Variants in ZBTB7C observed in about 807,000 individuals in gnomAD.
ZBTB7C encodes the protein zinc finger and BTB domain-containing protein 7C.
A neutral mutation model predicts 25.7 loss-of-function variants in ZBTB7C; 8 were observed. That is an observed-to-expected ratio of 0.31 (90% CI 0.18 to 0.56). The LOEUF (loss-of-function observed/expected upper bound fraction) is 0.56. Among genes scored for constraint, ZBTB7C ranks in the 20% least tolerant of loss-of-function variants. The pLI, the probability that ZBTB7C is intolerant of heterozygous loss-of-function variation, is 0.91. For synonymous variants in ZBTB7C, 394 were observed against 369.0 expected (o/e 1.07, Z -0.78); for missense variants, 824 against 855.2 (o/e 0.96, Z 0.46).
intron 3 of ZBTB7C, among the ~76,000 whole-genome samples, chr18:48,081,778 C>A (rs1272805222): frequency 6.6e-6 from 1 of 151,966 alleles, no homozygotes; most frequent in Admixed American, 6.6e-5. Flanking sequence ...AAGCCATTAG[C>A]CACACGAGGC....
chr18:48,187,820 CAAAAAAAA>C (rs919402026), intron 2 of ZBTB7C, among the ~76,000 whole-genome samples: 4 of 73,376 alleles, frequency 5.5e-5, no homozygotes, highest in East Asian at 4.2e-4. Context: ...GACCCCGTCT[CAAAAAAAA>C]AAAAAAAAAA....
intron 2 of ZBTB7C, among the ~76,000 whole-genome samples, chr18:48,223,888 C>T (rs1026984054): frequency 2.0e-5 from 3 of 152,192 alleles, no homozygotes; most frequent in Non-Finnish European, 2.9e-5. Context: ...TGAAAAATTA[C>T]ATGTCCCAGA....
intron 1 of ZBTB7C, among the ~76,000 whole-genome samples, chr18:48,360,279 C>CCGAACTG (rs1358271149): frequency 9.9e-5 from 15 of 152,200 alleles, no homozygotes; most frequent in Admixed American, 6.5e-5. Flanking sequence ...AAATGCGTAA[C>CCGAACTG]CGAACTGCGG....
chr18:48,029,797 G>A lies in ZBTB7C; in HGVS notation c.1323C>T (p.Ile441=), dbSNP rs759064815. 8.7e-6 allele frequency: 14 copies of A among 1,608,868 alleles called. No homozygotes were observed. In the South Asian group the frequency reaches 1.3e-4, roughly 15 times the overall value. The change falls in exon 5 of 5, where the codon ATC becomes ATT. Residue 441 remains isoleucine (I), a synonymous_variant. Transcript: ENST00000590800. The part of the protein sequence containing the change: ...HNYDLKNHMR[I]HTGVRPYQCE... ...ACTGGTAGGGCCGCACGCCCGTGTGGATGCGCATGTGGTTCTTGAGGTCGT... is the reference window on the plus strand; with the variant it reads ...ACTGGTAGGGCCGCACGCCCGTGTGAATGCGCATGTGGTTCTTGAGGTCGT...
chr18:48,303,118 G>A (rs1012940588), intron 2 of ZBTB7C, among the ~76,000 whole-genome samples: 4 of 152,158 alleles, frequency 2.6e-5, no homozygotes, highest in Non-Finnish European at 5.9e-5. Flanking sequence ...CTTCTGTGGA[G>A]GACACAGCTT....
intron 3 of ZBTB7C, among the ~76,000 whole-genome samples, chr18:48,084,377 ACT>A (rs1327304403): frequency 6.6e-6 from 1 of 151,776 alleles, no homozygotes; most frequent in African/African-American, 2.4e-5. Flanking sequence ...TTCACATCAC[ACT>A]CTATTTCATT....
intron 3 of ZBTB7C, among the ~76,000 whole-genome samples, chr18:48,049,827 C>T (rs2144235266): frequency 6.6e-6 from 1 of 152,230 alleles, no homozygotes; most frequent in East Asian, 1.9e-4. Context: ...AGTCTGGTGC[C>T]TCCCTGAATC....
chr18:48,221,175 T>C (rs1288190162), intron 2 of ZBTB7C, among the ~76,000 whole-genome samples: 1 of 151,622 alleles, frequency 6.6e-6, no homozygotes, highest in Non-Finnish European at 1.5e-5. Context: ...CTCTATACTA[T>C]CCTTGTCTCC....
chr18:48,109,114 TG>T (rs2039140433), intron 3 of ZBTB7C, among the ~76,000 whole-genome samples: 1 of 151,818 alleles, frequency 6.6e-6, no homozygotes, highest in South Asian at 2.1e-4. Flanking sequence ...GGGGTGAGGG[TG>T]GGGGTTGCGG....
At chr18:48,254,635 G>A (rs77184011) in intron 2 of ZBTB7C, among the ~76,000 whole-genome samples, 2,233 of 152,104 alleles carry the variant, frequency 0.015, 61 homozygotes, top group African/African-American at 0.051. Flanking sequence ...ACAAGACGAC[G>A]AACCCCATGT....
At chr18:48,163,899 GTC>G (rs2041155334) in intron 3 of ZBTB7C, among the ~76,000 whole-genome samples, 2 of 152,226 alleles carry the variant, frequency 1.3e-5, no homozygotes, top group African/African-American at 4.8e-5. Flanking sequence ...CATAAGCACT[GTC>G]TGGAGCTGGA....
intron 2 of ZBTB7C, among the ~76,000 whole-genome samples, chr18:48,287,713 T>C (rs181298253): frequency 6.6e-6 from 1 of 152,286 alleles, no homozygotes; most frequent in East Asian, 1.9e-4. Context: ...TATACCATTA[T>C]CAGGTTGAAT....
chr18:48,100,609 C>T (rs2038794697), intron 3 of ZBTB7C, among the ~76,000 whole-genome samples: 1 of 152,182 alleles, frequency 6.6e-6, no homozygotes, highest in Non-Finnish European at 1.5e-5. Context: ...AATTGCTAGA[C>T]AGACACTTTA....
chr18:48,317,552 C>A (rs17824054), intron 2 of ZBTB7C, among the ~76,000 whole-genome samples: 1 of 152,152 alleles, frequency 6.6e-6, no homozygotes, highest in African/African-American at 2.4e-5. Flanking sequence ...AGGTCGAGAG[C>A]TTGTTTGCAA....
intron 1 of ZBTB7C, among the ~76,000 whole-genome samples, chr18:48,356,775 T>C (rs2046986350): frequency 6.6e-6 from 1 of 152,200 alleles, no homozygotes; most frequent in African/African-American, 2.4e-5. Context: ...CCGACGTGCA[T>C]TATCTAACAG....
At chr18:48,277,427 C>A (rs1396453541) in intron 2 of ZBTB7C, among the ~76,000 whole-genome samples, 2 of 152,050 alleles carry the variant, frequency 1.3e-5, no homozygotes, top group African/African-American at 2.4e-5. Flanking sequence ...CAGAGAAATG[C>A]AAATCAAAAC....
At chr18:48,287,021 A>C (rs1287178657) in intron 2 of ZBTB7C, among the ~76,000 whole-genome samples, 3 of 151,328 alleles carry the variant, frequency 2.0e-5, no homozygotes, top group Non-Finnish European at 4.4e-5. Flanking sequence ...ACAAACAAAA[A>C]CAAAAAAAAC....
At chr18:48,367,202 T>TATATATATATATATATATATATACAC (rs1302394192) in intron 1 of ZBTB7C, among the ~76,000 whole-genome samples, 2 of 63,406 alleles carry the variant, frequency 3.2e-5, no homozygotes, top group African/African-American at 1.2e-4. Flanking sequence ...TATATATATA[T>TATATATATATATATATATATATACAC]ACACACACAC....
chr18:48,320,067 A>G (rs1369924643), intron 2 of ZBTB7C, among the ~76,000 whole-genome samples: 2 of 152,006 alleles, frequency 1.3e-5, no homozygotes, highest in Non-Finnish European at 2.9e-5. Flanking sequence ...AGGAAGAGAA[A>G]TGAGGAAGAT....
Sources: gnomAD v4.1 joint callset for allele counts (sites outside exome capture counted in the v4.1 genomes callset) on GRCh38, gnomAD v4.1.1 for gene constraint, MANE v1.5 for transcripts, NCBI Gene and HGNC (gene_info 2026-07-23, HGNC 2026-07-21) for gene names.